Variants in WDR37 observed in about 807,000 individuals in gnomAD.
WDR37 encodes WD repeat-containing protein 37.
In WDR37, 19 loss-of-function variants were observed where a neutral mutation model predicts 62.9. The observed-to-expected ratio is 0.30, with a 90% CI of 0.21 to 0.44. The LOEUF is 0.44. Among genes scored for constraint, WDR37 ranks in the 20% least tolerant of loss-of-function variants. The pLI is 1.00. For synonymous variants in WDR37, 250 were observed against 260.9 expected (o/e 0.96, Z 0.40); for missense variants, 474 against 657.6 (o/e 0.72, Z 3.05).
At chr10:1,113,565 C>T (rs924249429) in intron 11 of WDR37, among the ~76,000 whole-genome samples, 1 of 152,162 alleles carries the variant, frequency 6.6e-6, no homozygotes, top group African/African-American at 2.4e-5. Flanking sequence ...TCATTCTGGT[C>T]GCCATTCAGA....
chr10:1,091,720 G>C (rs1043901308), intron 7 of WDR37, among the ~76,000 whole-genome samples: 3 of 152,198 alleles, frequency 2.0e-5, no homozygotes, highest in African/African-American at 7.2e-5. Flanking sequence ...CAGGTGGGCA[G>C]TGTGGGCTCC....
chr10:1,103,969 T>C lies in WDR37; in HGVS notation c.961+133T>C, dbSNP rs918576309. On this transcript the variant is annotated intron_variant, in intron 10 of 13. Coordinates refer to ENST00000263150, the MANE Select transcript of WDR37 (RefSeq NM_014023.4). This position sits in a 1 kb window ranked among gnomAD's most constrained non-coding sequence, Gnocchi z 6.3. ...GTTCTTGGCTCTTCTGTGGTAATTT[T>C]TGGAGATTCTTTCTATTAATAATAG... 6 of 859,590 alleles carry C rather than the reference T, an allele frequency of 7.0e-6. No homozygotes were observed. The highest frequency in any genetic ancestry group is 5.1e-5 in the African/African-American group (3 of 58,638). 53.2% of individuals were successfully genotyped at this position (859,590 alleles called of 1,614,324 possible).
intron 1 of WDR37, among the ~76,000 whole-genome samples, chr10:1,064,403 A>G (rs1589073298): frequency 1.3e-5 from 2 of 152,130 alleles, no homozygotes; most frequent in African/African-American, 2.4e-5. Context: ...TCACTGCTGT[A>G]TGTTTCCTAA....
At chr10:1,098,536 C>T (rs1039746278) in intron 9 of WDR37, among the ~76,000 whole-genome samples, 3 of 152,162 alleles carry the variant, frequency 2.0e-5, no homozygotes, top group African/African-American at 7.2e-5. Context: ...CCACGTTCGC[C>T]AGACGGTCTC....
At chr10:1,075,168 A>G (rs759935597) in intron 2 of WDR37, among the ~76,000 whole-genome samples, 60 of 152,160 alleles carry the variant, frequency 3.9e-4, no homozygotes, top group Non-Finnish European at 4.6e-4. Flanking sequence ...CCTGGGCTCA[A>G]GTTGCCCTCT....
chr10:1,119,735 C>T (rs1461443470), intron 11 of WDR37, among the ~76,000 whole-genome samples: 2 of 152,246 alleles, frequency 1.3e-5, no homozygotes, highest in Non-Finnish European at 2.9e-5. Flanking sequence ...AGTGACTTTA[C>T]CTCCTCCTCT....
At chr10:1,072,325 T>A in intron 2 of WDR37, 32 bp downstream of exon 2, 1 of 1,604,046 alleles carries the variant, frequency 6.2e-7, no homozygotes, top group African/African-American at 1.3e-5. Context: ...CCTTATTGAT[T>A]GATTGATTTT....
intron 5 of WDR37, 53 bp from the exon 6 acceptor site, chr10:1,084,350 A>T: frequency 6.3e-7 from 1 of 1,589,444 alleles, no homozygotes; most frequent in South Asian, 1.1e-5. Flanking sequence ...TTCTTGACTT[A>T]GAAAAATTTA....
chr10:1,096,136 G>A lies in WDR37; in HGVS notation c.650-34G>A, dbSNP rs756657712. ...AAGAGCGCATTTTACCATGGTCTGTGCCTTGGGTAATTTTCCCCGATTTCT... is the reference window on the plus strand; with the variant it reads ...AAGAGCGCATTTTACCATGGTCTGTACCTTGGGTAATTTTCCCCGATTTCT... On this transcript the variant is annotated intron_variant, in intron 8 of 13. Coordinates refer to ENST00000263150, the MANE Select transcript of WDR37 (RefSeq NM_014023.4). 7.4e-6 allele frequency: 12 copies of A among 1,610,946 alleles called. No homozygotes were observed. In the Admixed American group the frequency reaches 2.0e-4, roughly 27 times the overall value.
At chr10:1,060,657 G>A (rs1833346470) in intron 1 of WDR37, among the ~76,000 whole-genome samples, 1 of 152,122 alleles carries the variant, frequency 6.6e-6, no homozygotes, top group Admixed American at 6.5e-5. Flanking sequence ...GAAGAAGTTT[G>A]TTTTTTCTCT....
chr10:1,100,557 C>G (rs192765807), intron 9 of WDR37, among the ~76,000 whole-genome samples: 2 of 152,292 alleles, frequency 1.3e-5, no homozygotes, highest in East Asian at 3.9e-4. Flanking sequence ...AGCTTTTGGG[C>G]AAACGTCTTG....
chr10:1,076,635 C>T (rs1249985520), intron 2 of WDR37, among the ~76,000 whole-genome samples: 17 of 148,542 alleles, frequency 1.1e-4, no homozygotes, highest in Admixed American at 2.7e-4. Context: ...GCCAAGATCG[C>T]GCCACTGCAC....
At chr10:1,107,736 C>T (rs1374850364) in intron 11 of WDR37, among the ~76,000 whole-genome samples, 3 of 151,526 alleles carry the variant, frequency 2.0e-5, no homozygotes, top group South Asian at 2.1e-4. Flanking sequence ...CACATGTGTA[C>T]ACACCACTGT....
Position 1,076,197 on chromosome 10 carries a change from T to C in WDR37, c.139-1710T>C, listed in dbSNP as rs530055221. Among the ~76,000 whole-genome samples the C allele has an allele frequency of 3.9e-5, 6 of 152,210 alleles. No homozygotes were observed. The East Asian group carries it at 1.2e-3, about 29-fold the overall frequency. On this transcript the variant is annotated intron_variant, in intron 2 of 13. Coordinates refer to ENST00000263150, the MANE Select transcript of WDR37 (RefSeq NM_014023.4). ...TTTAGAGGCTATAGTACCAATTCAG[T>C]AGATTCAGTATTTAAAGTAGTATAT...
chr10:1,077,121 T>G (rs1242642681), intron 2 of WDR37, among the ~76,000 whole-genome samples: 1 of 152,144 alleles, frequency 6.6e-6, no homozygotes, highest in East Asian at 1.9e-4. Flanking sequence ...GCATAGGCCA[T>G]GCCCTCAGGG....
chr10:1,089,639 TTCAGCCTTCCCGTGCTCACCCGCAG>T (rs1834316481), intron 7 of WDR37, among the ~76,000 whole-genome samples: 1 of 150,926 alleles, frequency 6.6e-6, no homozygotes, highest in Non-Finnish European at 1.5e-5. Flanking sequence ...TCACCCACAA[TTCAGCCTTCCCGTGCTCACCCGCAG>T]TTCGGCCTTC....
chr10:1,120,488 C>T (rs1283192633), intron 11 of WDR37, among the ~76,000 whole-genome samples: 3 of 152,184 alleles, frequency 2.0e-5, no homozygotes, highest in Admixed American at 6.5e-5. Context: ...TTTGTATCAG[C>T]GCTGTAACAG....
Position 1,065,115 on chromosome 10 carries a change from G to A in WDR37, c.-40-7001G>A, listed in dbSNP as rs973811568. ...AAAAGAAATGTGGGAACATCAGGAG[G>A]GAAGAACAAAGAATGGACAGCAAAA... On this transcript the variant is annotated intron_variant, in intron 1 of 13. Transcript: ENST00000263150. Among the ~76,000 whole-genome samples the A allele has an allele frequency of 2.6e-5, 4 of 152,156 alleles. No homozygotes were observed. In the East Asian group the frequency reaches 7.7e-4, roughly 29 times the overall value.
chr10:1,061,473 G>T (rs569123335), intron 1 of WDR37, among the ~76,000 whole-genome samples: 1 of 152,206 alleles, frequency 6.6e-6, no homozygotes, highest in South Asian at 2.1e-4. Context: ...ACCTTACCTT[G>T]TGACAGACAG....
Sources: gnomAD v4.1 joint callset for allele counts (sites outside exome capture counted in the v4.1 genomes callset) on GRCh38, gnomAD v4.1.1 for gene constraint, Gnocchi (gnomAD v3.1) non-coding constraint, MANE v1.5 for transcripts, NCBI Gene and HGNC (gene_info 2026-07-23, HGNC 2026-07-21) for gene names.